NF1: variants seen among roughly 807,000 people sequenced by gnomAD.
NF1 encodes neurofibromin.
Under a neutral mutation model 325.7 loss-of-function variants are expected in NF1, and 122 were observed. The ratio of observed to expected loss-of-function variants is 0.37; its 90% CI spans 0.32 to 0.44. The LOEUF is 0.44. Ranked by LOEUF, NF1 falls within the 20% of genes least tolerant of loss-of-function variation. The probability of loss-of-function intolerance (pLI) is 1.00; values close to 1 mark genes in which losing one functional copy is unlikely to be tolerated. For synonymous variants in NF1, 1,091 were observed against 1,186.0 expected, an observed-to-expected ratio of 0.92 and a Z score of 1.65; for missense variants, 2,140 against 3,415.4, an observed-to-expected ratio of 0.63 and a Z score of 9.31.
intron 5 of NF1, among the ~76,000 whole-genome samples, chr17:31,170,452 T>C (rs1238629800): frequency 6.6e-6 from 1 of 152,220 alleles, no homozygotes; most frequent in Non-Finnish European, 1.5e-5. Context: ...GAGATTTCAT[T>C]TCTGACATTT....
chr17:31,367,698 C>G (rs1293561743), intron 57 of NF1, among the ~76,000 whole-genome samples: 3 of 152,030 alleles, frequency 2.0e-5, no homozygotes, highest in Non-Finnish European at 2.9e-5. Flanking sequence ...ATTCAATCAC[C>G]TGTGGTTAAA....
At chr17:31,110,327 A>G (rs540685038) in intron 1 of NF1, among the ~76,000 whole-genome samples, 1 of 152,352 alleles carries the variant, frequency 6.6e-6, no homozygotes, top group Non-Finnish European at 1.5e-5. Flanking sequence ...AGAGATCTTT[A>G]TAGGTGAGCA....
chr17:31,358,107 ACTTC>A (rs1471597964), intron 54 of NF1: 5 of 246,298 alleles, frequency 2.0e-5, no homozygotes, highest in African/African-American at 1.2e-4. Context: ...TTTAGTTTTA[ACTTC>A]CTAAGCGCAT....
At chr17:31,322,167 G>T (rs914031745) in intron 36 of NF1, among the ~76,000 whole-genome samples, 3 of 150,626 alleles carry the variant, frequency 2.0e-5, no homozygotes, top group African/African-American at 7.4e-5. Flanking sequence ...AGTTTAACAT[G>T]ACTGAAACAG....
intron 36 of NF1, among the ~76,000 whole-genome samples, chr17:31,324,121 G>T (rs185500270): frequency 3.3e-5 from 5 of 152,242 alleles, no homozygotes; most frequent in African/African-American, 1.2e-4. Context: ...AGGCTGGAGT[G>T]CAGTGGCACA....
At position 31,107,903 on chromosome 17, in the gene NF1, G is replaced by C. The variant is rs1913010630; in HGVS notation, c.60+12534G>C. 2.0e-5 allele frequency among the ~76,000 whole-genome samples: 3 copies of C among 152,086 alleles called. No homozygotes were observed. In the South Asian group the frequency reaches 6.2e-4, roughly 32 times the overall value. On this transcript the variant is annotated intron_variant, in intron 1 of 57. Coordinates refer to ENST00000358273, the MANE Select transcript of NF1 (RefSeq NM_001042492.3). ...CTGTAATCCCAGCACTTTGGGAGGT[G>C]GGGGAGGGAGGATTGCTTGAGCCCA...
At chr17:31,288,981 A>T (rs1203055636) in intron 36 of NF1, among the ~76,000 whole-genome samples, 2 of 152,214 alleles carry the variant, frequency 1.3e-5, no homozygotes, top group Admixed American at 1.3e-4. Flanking sequence ...CGCAGGTTTG[A>T]CTTGGTCTGT....
chr17:31,111,677 C>T lies in NF1; in HGVS notation c.60+16308C>T, dbSNP rs567099809. ...CAGAAATATCCTTCAGACAAGAAGGCGAAATAAAGACATTTTTAGACAATC... is the reference window on the plus strand; with the variant it reads ...CAGAAATATCCTTCAGACAAGAAGGTGAAATAAAGACATTTTTAGACAATC... On this transcript the variant is annotated intron_variant, in intron 1 of 57. Transcript: ENST00000358273. 1.1e-3 allele frequency among the ~76,000 whole-genome samples: 160 copies of T among 152,160 alleles called. 1 individual carries two copies. The highest frequency in any genetic ancestry group is 3.3e-3 in the African/African-American group (137 of 41,520).
chr17:31,206,165 C>G (rs2143912215), intron 11 of NF1, 75 bp from the exon 12 acceptor site: 2 of 1,541,112 alleles, frequency 1.3e-6, no homozygotes, highest in Non-Finnish European at 1.8e-6. Context: ...AAACTTAAAA[C>G]TACAGTGATA....
rs2151539038 is a variant in NF1 at position 31,326,227 on chromosome 17, A to T, written c.5243A>T (p.His1748Leu). The T allele has an allele frequency of 6.2e-7, 1 of 1,610,728 alleles. No homozygotes were observed. The change falls in exon 37 of 58, where the codon CAC becomes CTC. Residue 1748 changes from histidine to leucine, a missense_variant. Physicochemically the swap from His to Leu is moderately conservative, Grantham distance 99. Around this residue, in one of 10 missense-constraint regions of NF1, gnomAD observed 147 missense variants for 186.7 expected, o/e 0.79. Coordinates refer to ENST00000358273, the MANE Select transcript of NF1 (RefSeq NM_001042492.3). ...TTCCACAATGCTCTCAAGCTAGCTCACAAAGACACCAAAGTTTCTATTAAA... is the reference window on the plus strand; with the variant it reads ...TTCCACAATGCTCTCAAGCTAGCTCTCAAAGACACCAAAGTTTCTATTAAA... ...KVFHNALKLAHKDTKVSIKVG... is the reference protein window; with the variant it reads ...KVFHNALKLALKDTKVSIKVG...
intron 25 of NF1, 128 bp downstream of exon 25, chr17:31,232,317 T>A (rs1237035532): frequency 5.8e-6 from 4 of 685,188 alleles, no homozygotes; most frequent in Non-Finnish European, 1.0e-5. Flanking sequence ...GTGATTTTTT[T>A]AAAGAAAGTA....
chr17:31,233,598 C>G (rs568531027), intron 27 of NF1, among the ~76,000 whole-genome samples: 4 of 152,262 alleles, frequency 2.6e-5, no homozygotes, highest in Non-Finnish European at 1.5e-5. Context: ...ATGTCTCATA[C>G]AGTTTTTTAA....
rs370184932 is a variant in NF1 at position 31,181,459 on chromosome 17, G to A, written c.624G>A (p.Ala208=). 8.7e-6 allele frequency: 14 copies of A among 1,613,450 alleles called. No homozygotes were observed. Among genetic ancestry groups the A allele is most frequent in the African/African-American group, 5.3e-5 (4 of 74,998 alleles). Residue 208 remains alanine (A), a synonymous_variant, in exon 6 of 58, where the codon GCG becomes GCA. Transcript: ENST00000358273. ...AFKFKALKKV[A]QLAVINSLEK... Reference sequence around the variant, plus strand: ...AATTTAAAGCCCTAAAGAAGGTTGCGCAGTTAGCAGTTATAAATAGCCTGG... The same window carrying A: ...AATTTAAAGCCCTAAAGAAGGTTGCACAGTTAGCAGTTATAAATAGCCTGG...
intron 36 of NF1, among the ~76,000 whole-genome samples, chr17:31,284,622 T>C (rs575716144): frequency 6.6e-6 from 1 of 151,972 alleles, no homozygotes; most frequent in African/African-American, 2.4e-5. Context: ...GGTTTCGCTA[T>C]GTTGGCCAGG....
In NF1 at chr17:31,156,088, A is replaced by T. The variant is rs751891720; in HGVS notation, c.166A>T (p.Ser56Cys). 1 of 1,613,736 alleles carries T rather than the reference A, an allele frequency of 6.2e-7. No individual in the cohort carries two copies. The highest frequency in any genetic ancestry group is 8.5e-7 in the Non-Finnish European group (1 of 1,179,854). Reference protein sequence around the residue: ...ISKYKFSLVISGLTTILKNVN... With the variant: ...ISKYKFSLVICGLTTILKNVN... ...CAAATACAAGTTTTCTTTGGTTATA[A>T]GCGGCCTCACTACTATTTTAAAGAA... Residue 56 changes from serine (S) to cysteine (C), a missense_variant, in exon 2 of 58, where the codon AGC becomes TGC. By Grantham distance (112) the Ser-to-Cys change is moderately radical. Transcript: ENST00000358273.
At position 31,338,777 on chromosome 17, in the gene NF1, T is replaced by G; in HGVS notation, c.6893T>G (p.Leu2298Arg). Reference sequence around the variant, plus strand: ...CTGATAGAAGCTACAGTAATAGCACTAACCAAATTACAGCCACTTCTTAAT... The same window carrying G: ...CTGATAGAAGCTACAGTAATAGCACGAACCAAATTACAGCCACTTCTTAAT... ...QVLIEATVIA[L>R]TKLQPLLNKD... The change falls in exon 46 of 58, where the codon CTA becomes CGA. Residue 2298 changes from leucine (L) to arginine (R), a missense_variant. Leu to Arg is a moderately radical substitution (Grantham distance 102). Transcript: ENST00000358273. The G allele has an allele frequency of 6.2e-7, 1 of 1,612,622 alleles. No individual in the cohort carries two copies. The highest frequency in any genetic ancestry group is 8.5e-7 in the Non-Finnish European group (1 of 1,178,826).
intron 1 of NF1, among the ~76,000 whole-genome samples, chr17:31,098,426 G>A (rs1375199603): frequency 6.6e-6 from 1 of 151,886 alleles, no homozygotes; most frequent in African/African-American, 2.4e-5. Context: ...GTGCAATGAT[G>A]CGACCTTGGC....
chr17:31,223,141 G>A (rs145730653), intron 15 of NF1, among the ~76,000 whole-genome samples: 60 of 152,290 alleles, frequency 3.9e-4, no homozygotes, highest in African/African-American at 1.4e-3. Flanking sequence ...TGCTGTGCAT[G>A]TGGTTTATTG....
At chr17:31,308,360 C>T (rs1454052331) in intron 36 of NF1, among the ~76,000 whole-genome samples, 1 of 152,068 alleles carries the variant, frequency 6.6e-6, no homozygotes, top group Non-Finnish European at 1.5e-5. Context: ...AGACCGGTCT[C>T]GAACTCCTGA....
Sources: gnomAD v4.1 joint callset for allele counts (sites outside exome capture counted in the v4.1 genomes callset) on GRCh38, gnomAD v4.1.1 for gene constraint, gnomAD v4.1.1 regional missense constraint, MANE v1.5 for transcripts, NCBI Gene and HGNC (gene_info 2026-07-23, HGNC 2026-07-21) for gene names.